The following ARG2 variants were observed in gnomAD, a reference collection of about 807,000 sequenced individuals.
The protein encoded by ARG2 is arginase 2, also known as arginase-2, mitochondrial.
Under a neutral mutation model 39.4 loss-of-function variants are expected in ARG2, and 21 were observed. The observed-to-expected ratio is 0.53, with a 90% CI of 0.38 to 0.77. ARG2 has a LOEUF of 0.77. Among genes scored for constraint, ARG2 ranks in the 30% least tolerant of loss-of-function variants. The pLI is 0.00. For synonymous variants in ARG2, 150 were observed against 156.7 expected (o/e 0.96, Z 0.32); for missense variants, 378 against 426.2 (o/e 0.89, Z 1.00).
chr14:67,630,517 C>A (rs2036907790), intron 2 of ARG2, among the ~76,000 whole-genome samples: 1 of 152,160 alleles, frequency 6.6e-6, no homozygotes, highest in Non-Finnish European at 1.5e-5. Flanking sequence ...ATCCTATTGT[C>A]CAGAACTAGT....
intron 7 of ARG2, chr14:67,650,323 T>C (rs2037156289): frequency 4.0e-6 from 1 of 247,624 alleles, no homozygotes; most frequent in Non-Finnish European, 7.9e-6. Context: ...CATACTTGAT[T>C]CATTTCCAGG....
intron 2 of ARG2, among the ~76,000 whole-genome samples, chr14:67,639,274 C>A (rs1336491451): frequency 1.3e-5 from 2 of 152,104 alleles, no homozygotes; most frequent in Non-Finnish European, 2.9e-5. Flanking sequence ...CTTGGGTAGT[C>A]CCAAAGTTCT....
chr14:67,650,814 C>T lies in ARG2; in HGVS notation c.959C>T (p.Ala320Val). ...GCTAACCTGGCAGTAGATGTGATTG[C>T]TTCAAGCTTTGGTCAGACAAGAGAA... ...TTANLAVDVIASSFGQTREGG... is the reference protein window; with the variant it reads ...TTANLAVDVIVSSFGQTREGG... Residue 320 changes from alanine (A) to valine (V), a missense_variant, in exon 8 of 8, where the codon GCT (alanine) becomes GTT (valine). Physicochemically the swap from Ala to Val is moderately conservative, Grantham distance 64 (BLOSUM62 0). Coordinates refer to ENST00000261783, the MANE Select transcript of ARG2 (RefSeq NM_001172.4). The T allele has an allele frequency of 6.2e-7, 1 of 1,614,190 alleles. No individual in the cohort carries two copies.
At chr14:67,635,858 A>T (rs184305999) in intron 2 of ARG2, among the ~76,000 whole-genome samples, 2,346 of 152,224 alleles carry the variant, frequency 0.015, 24 homozygotes, top group Middle Eastern at 0.034. Flanking sequence ...TCTAAAAAAA[A>T]TTTTTTTTAA....
Position 67,651,015 on chromosome 14 carries a change from A to G in ARG2, c.*95A>G. The G allele has an allele frequency of 7.8e-7, 1 of 1,277,216 alleles. No individual in the cohort carries two copies. Among genetic ancestry groups the G allele is most frequent in the Non-Finnish European group, 1.1e-6 (1 of 904,608 alleles). 79.1% of individuals were successfully genotyped at this position (1,277,216 alleles called of 1,614,324 possible). On this transcript the variant is annotated 3_prime_UTR_variant, in exon 8 of 8. Coordinates refer to ENST00000261783, the MANE Select transcript of ARG2 (RefSeq NM_001172.4). Reference sequence around the variant, plus strand: ...ATACTAAATGGTTGTCTGGGTCAATACTGCCTTAATGAGAACATTTACACA... The same window carrying G: ...ATACTAAATGGTTGTCTGGGTCAATGCTGCCTTAATGAGAACATTTACACA...
chr14:67,642,113 A>G (rs956590929), intron 2 of ARG2, 73 bp from the exon 3 acceptor site: 95 of 1,425,204 alleles, frequency 6.7e-5, no homozygotes, highest in Non-Finnish European at 8.6e-5. Context: ...ACGTATTATC[A>G]TTGTGGCCCA....
intron 1 of ARG2, among the ~76,000 whole-genome samples, chr14:67,620,502 T>C (rs1280082554): frequency 6.6e-6 from 1 of 152,192 alleles, no homozygotes; most frequent in East Asian, 1.9e-4. Context: ...TTAAGTCTTC[T>C]GGATCCATTC....
At chr14:67,642,481 A>G (rs2037044045) in intron 3 of ARG2, 118 bp downstream of exon 3, 1 of 1,201,120 alleles carries the variant, frequency 8.3e-7, no homozygotes, top group African/African-American at 1.5e-5. Flanking sequence ...TTTTTAGGGT[A>G]GATATTAAAA....
At chr14:67,650,566 G>A (rs2037159866) in intron 7 of ARG2, 149 bp from the exon 8 acceptor site, 2 of 665,016 alleles carry the variant, frequency 3.0e-6, no homozygotes, top group Non-Finnish European at 5.3e-6. Flanking sequence ...AGAGGATGAG[G>A]TGCAAGGGGC....
In ARG2 at chr14:67,619,971, G is replaced by A; in HGVS notation, c.-7G>A. The A allele has an allele frequency of 6.3e-7, 1 of 1,578,974 alleles. No homozygotes were observed. Among genetic ancestry groups the A allele is most frequent in the Non-Finnish European group, 8.6e-7 (1 of 1,162,146 alleles). On this transcript the variant is annotated 5_prime_UTR_variant, in exon 1 of 8. Coordinates refer to ENST00000261783, the MANE Select transcript of ARG2 (RefSeq NM_001172.4). ...CTCTGCCTTGGAGATTCTCAGTGCT[G>A]CGGATCATGTCCCTAAGGGGCAGCC...
At position 67,648,254 on chromosome 14, in the gene ARG2, G is replaced by C. The variant is rs2037126731; in HGVS notation, c.859+71G>C. On this transcript the variant is annotated intron_variant, in intron 7 of 7. Coordinates refer to ENST00000261783, the MANE Select transcript of ARG2 (RefSeq NM_001172.4). Reference sequence around the variant, plus strand: ...ATGCTAGAGTCTCTTGCCTGCAAAGGATCTTTTCTGCTATTCCACATCATT... The same window carrying C: ...ATGCTAGAGTCTCTTGCCTGCAAAGCATCTTTTCTGCTATTCCACATCATT... 2.0e-6 allele frequency: 3 copies of C among 1,502,870 alleles called. No individual in the cohort carries two copies. The South Asian group carries it at 3.8e-5, about 19-fold the overall frequency. The allele number at this position is 1,502,870 out of a possible 1,614,324, so 93.1% of individuals were successfully genotyped here.
At chr14:67,620,768 G>C in intron 1 of ARG2, 126 bp from the exon 2 acceptor site, 1 of 847,596 alleles carries the variant, frequency 1.2e-6, no homozygotes, top group Non-Finnish European at 1.9e-6. Flanking sequence ...TGGAAGGACA[G>C]TCATTGATGG....
Position 67,624,550 on chromosome 14 carries a change from C to T in ARG2, c.184+3584C>T, listed in dbSNP as rs570737756. 5.3e-5 allele frequency among the ~76,000 whole-genome samples: 8 copies of T among 152,066 alleles called. No homozygotes were observed. The South Asian group carries it at 6.2e-4, about 12-fold the overall frequency. ...TATGGCAGGAGCAGGAGGAAGACAG[C>T]GAAGAGGGAGGTGATACACACTTTT... On this transcript the variant is annotated intron_variant, in intron 2 of 7. Coordinates refer to ENST00000261783, the MANE Select transcript of ARG2 (RefSeq NM_001172.4).
In ARG2 at chr14:67,647,030, G is replaced by A. The variant is rs1431618872; in HGVS notation, c.722+5G>A. On this transcript the variant is annotated splice_donor_5th_base_variant and intron_variant, in intron 6 of 7. Transcript: ENST00000261783. ...ATTTGATCTGCTGATTGGCAAGTAA[G>A]TAACTATAACTGATGTCAGGGCAAA... The A allele has an allele frequency of 1.9e-6, 3 of 1,592,290 alleles. No individual in the cohort carries two copies. Among genetic ancestry groups the A allele is most frequent in the African/African-American group, 1.3e-5 (1 of 74,386 alleles).
chr14:67,647,022 G>A lies in ARG2; in HGVS notation c.719G>A (p.Gly240Asp). 1 of 1,602,748 alleles carries A rather than the reference G, an allele frequency of 6.2e-7. No individual in the cohort carries two copies. The highest frequency in any genetic ancestry group is 8.5e-7 in the Non-Finnish European group (1 of 1,170,332). Residue 240 changes from glycine to aspartate, a missense_variant, in exon 6 of 8, where the codon GGC (glycine) becomes GAC (aspartate). Gly to Asp is a moderately conservative substitution (Grantham distance 94). Coordinates refer to ENST00000261783, the MANE Select transcript of ARG2 (RefSeq NM_001172.4). ...GAACGAACATTTGATCTGCTGATTGGCAAGTAAGTAACTATAACTGATGTC... is the reference window on the plus strand; with the variant it reads ...GAACGAACATTTGATCTGCTGATTGACAAGTAAGTAACTATAACTGATGTC... ...VMERTFDLLI[G>D]KRQRPIHLSF...
chr14:67,625,799 A>G (rs1444735611), intron 2 of ARG2, among the ~76,000 whole-genome samples: 1 of 151,886 alleles, frequency 6.6e-6, no homozygotes, highest in Non-Finnish European at 1.5e-5. Context: ...TTTGCAAATC[A>G]TATACCTGAT....
intron 2 of ARG2, among the ~76,000 whole-genome samples, chr14:67,623,960 C>A (rs1312727119): frequency 6.6e-6 from 1 of 152,174 alleles, no homozygotes; most frequent in Non-Finnish European, 1.5e-5. Flanking sequence ...CCCACTTTAG[C>A]CTCTTGAGTA....
intron 2 of ARG2, among the ~76,000 whole-genome samples, chr14:67,631,592 C>T (rs998374863): frequency 1.3e-5 from 2 of 151,946 alleles, no homozygotes; most frequent in African/African-American, 4.8e-5. Flanking sequence ...CATGCCACCA[C>T]ACCAGTTAAC....
rs1379061408 is a variant in ARG2 at position 67,620,100 on chromosome 14, C to T, written c.111+12C>T. 5 of 1,564,800 alleles carry T rather than the reference C, an allele frequency of 3.2e-6. No homozygotes were observed. Among genetic ancestry groups the T allele is most frequent in the South Asian group, 1.2e-5 (1 of 86,788 alleles). On this transcript the variant is annotated intron_variant, in intron 1 of 7. Transcript: ENST00000261783. Reference sequence around the variant, plus strand: ...TCTCACAAGGGCAGGTGAGAACTGGCACCTGGAACCGCCGGGCAGGATCCT... The same window carrying T: ...TCTCACAAGGGCAGGTGAGAACTGGTACCTGGAACCGCCGGGCAGGATCCT...
Sources: gnomAD v4.1 joint callset for allele counts (sites outside exome capture counted in the v4.1 genomes callset) on GRCh38, gnomAD v4.1.1 for gene constraint, MANE v1.5 for transcripts, NCBI Gene and HGNC (gene_info 2026-07-23, HGNC 2026-07-21) for gene names.